Variants in CTNNA2 observed in about 807,000 individuals in gnomAD.
The protein encoded by CTNNA2 is catenin alpha-2.
Under a neutral mutation model 101.0 loss-of-function variants are expected in CTNNA2, and 42 were observed. That is an observed-to-expected ratio of 0.42 (90% CI 0.32 to 0.54). CTNNA2 has a LOEUF of 0.54. CTNNA2 is among the 20% of genes least tolerant of loss of function. The pLI, the probability that CTNNA2 is intolerant of heterozygous loss-of-function variation, is 0.14. For synonymous variants in CTNNA2, 450 were observed against 456.4 expected (o/e 0.99, Z 0.18); for missense variants, 871 against 1,223.1 (o/e 0.71, Z 4.29).
chr2:79,426,516 C>A (rs1678593778), intron 4 of CTNNA2, among the ~76,000 whole-genome samples: 2 of 152,040 alleles, frequency 1.3e-5, no homozygotes. Flanking sequence ...ATCCATACAT[C>A]TCTATTTTTA....
At chr2:80,543,530 A>G (rs1461462939) in intron 9 of CTNNA2, among the ~76,000 whole-genome samples, 3 of 152,034 alleles carry the variant, frequency 2.0e-5, no homozygotes, top group East Asian at 3.9e-4. Context: ...TCCCTTAAAA[A>G]CTCCAAAACC....
intron 1 of CTNNA2, among the ~76,000 whole-genome samples, chr2:79,616,477 A>G (rs960612033): frequency 4.6e-5 from 7 of 152,214 alleles, no homozygotes; most frequent in African/African-American, 1.4e-4. Flanking sequence ...TATCACAGCA[A>G]GCATATATTA....
intron 15 of CTNNA2, among the ~76,000 whole-genome samples, chr2:80,590,628 A>G (rs1348701553): frequency 1.3e-5 from 2 of 152,166 alleles, no homozygotes; most frequent in African/African-American, 4.8e-5. Flanking sequence ...AATATGGAAC[A>G]TCTCTGCGTC....
chr2:79,886,747 T>A (rs1366497404), intron 6 of CTNNA2, among the ~76,000 whole-genome samples: 1 of 13,174 alleles, frequency 7.6e-5, no homozygotes, highest in African/African-American at 4.7e-4. Context: ...CAAGACTCCA[T>A]CTCAAAAAAA....
intron 7 of CTNNA2, among the ~76,000 whole-genome samples, chr2:80,329,205 T>C (rs1458877071): frequency 6.6e-6 from 1 of 152,218 alleles, no homozygotes; most frequent in Non-Finnish European, 1.5e-5. Flanking sequence ...ATTTGATTGG[T>C]ATTTGCTGGA....
At chr2:79,513,750 G>A (rs1050005804) in intron 1 of CTNNA2, among the ~76,000 whole-genome samples, 2 of 151,846 alleles carry the variant, frequency 1.3e-5, no homozygotes, top group African/African-American at 4.8e-5. Flanking sequence ...GGGTGGGGAG[G>A]GTTGTCACTT....
intron 7 of CTNNA2, among the ~76,000 whole-genome samples, chr2:80,207,981 A>G (rs908121642): frequency 6.6e-6 from 1 of 152,210 alleles, no homozygotes. Flanking sequence ...TAACACATGC[A>G]GGGAGATCAG....
intron 4 of CTNNA2, among the ~76,000 whole-genome samples, chr2:79,408,921 G>T (rs1573151913): frequency 1.4e-5 from 2 of 145,202 alleles, no homozygotes; most frequent in African/African-American, 5.1e-5. Flanking sequence ...CACCAACAGT[G>T]TAAAAGTGTT....
intron 4 of CTNNA2, among the ~76,000 whole-genome samples, chr2:79,410,152 G>A (rs552057027): frequency 2.0e-5 from 3 of 147,282 alleles, no homozygotes; most frequent in East Asian, 4.0e-4. Flanking sequence ...CATTGATTTT[G>A]TATCCTGAGA....
chr2:79,541,307 T>G (rs1673393943), intron 1 of CTNNA2, among the ~76,000 whole-genome samples: 1 of 139,694 alleles, frequency 7.2e-6, no homozygotes, highest in Non-Finnish European at 1.6e-5. Flanking sequence ...TTGGAGCTCT[T>G]ATATGTACAC....
intron 1 of CTNNA2, among the ~76,000 whole-genome samples, chr2:79,588,328 T>C (rs955735248): frequency 6.6e-6 from 1 of 152,214 alleles, no homozygotes; most frequent in Admixed American, 6.5e-5. Flanking sequence ...AGCTTCAGTA[T>C]CTTGTTCATC....
chr2:80,423,327 T>C (rs530594032), intron 9 of CTNNA2, among the ~76,000 whole-genome samples: 34 of 152,310 alleles, frequency 2.2e-4, no homozygotes, highest in African/African-American at 7.9e-4. Flanking sequence ...GATATAAATT[T>C]CCCTCTAATC....
intron 4 of CTNNA2, among the ~76,000 whole-genome samples, chr2:79,863,296 G>A (rs1231245516): frequency 6.6e-6 from 1 of 152,150 alleles, no homozygotes; most frequent in Admixed American, 6.5e-5. Context: ...ACCCCAAGCT[G>A]GAAATGGGAT....
intron 3 of CTNNA2, among the ~76,000 whole-genome samples, chr2:79,325,493 G>T (rs1676725996): frequency 1.3e-5 from 2 of 152,082 alleles, no homozygotes; most frequent in African/African-American, 4.8e-5. Context: ...AAACATTAAG[G>T]CAATTAAGCT....
chr2:80,054,389 G>A (rs1013343635), intron 7 of CTNNA2, among the ~76,000 whole-genome samples: 1 of 152,208 alleles, frequency 6.6e-6, no homozygotes, highest in African/African-American at 2.4e-5. Context: ...AGAGTGAATT[G>A]TACAGAGAGT....
At chr2:79,519,133 G>A (rs545084672) in intron 1 of CTNNA2, among the ~76,000 whole-genome samples, 2 of 151,450 alleles carry the variant, frequency 1.3e-5, no homozygotes, top group Admixed American at 6.6e-5. Context: ...AGAGGCTGAG[G>A]CAGGAGAATC....
intron 7 of CTNNA2, among the ~76,000 whole-genome samples, chr2:80,044,094 T>G (rs1457641647): frequency 6.6e-6 from 1 of 152,234 alleles, no homozygotes; most frequent in South Asian, 2.1e-4. Context: ...GTAACAGGAT[T>G]TCTGACTCAA....
At chr2:80,460,551 T>C (rs1684339661) in intron 9 of CTNNA2, among the ~76,000 whole-genome samples, 1 of 152,100 alleles carries the variant, frequency 6.6e-6, no homozygotes, top group African/African-American at 2.4e-5. Context: ...TTTCTCCCGC[T>C]TCTTCTTTCC....
At chr2:80,544,923 C>A in intron 9 of CTNNA2, 59 bp from the exon 10 acceptor site, 1 of 1,430,012 alleles carries the variant, frequency 7.0e-7, no homozygotes, top group Admixed American at 1.8e-5. Flanking sequence ...CAAGGCGGAG[C>A]AACAGTATAC....
Sources: allele counts gnomAD v4.1 joint callset (sites outside exome capture counted in the v4.1 genomes callset), GRCh38; gene constraint gnomAD v4.1.1; transcripts MANE v1.5; gene names NCBI Gene and HGNC (gene_info 2026-07-23, HGNC 2026-07-21).